The following HMCN1 variants were observed in gnomAD, a reference collection of about 807,000 sequenced individuals.
The protein encoded by HMCN1 is hemicentin-1.
HMCN1 carries 321 observed loss-of-function variants against 625.9 expected under a neutral mutation model. The observed-to-expected ratio is 0.51, with a 90% CI of 0.47 to 0.56. The LOEUF is 0.56. Ranked by LOEUF, HMCN1 falls within the 20% of genes least tolerant of loss-of-function variation. The pLI is 0.00. For synonymous variants in HMCN1, 2,425 were observed against 2,417.6 expected (o/e 1.00, Z -0.09); for missense variants, 6,588 against 6,887.3 (o/e 0.96, Z 1.54).
intron 72 of HMCN1, 94 bp downstream of exon 72, chr1:186,113,047 G>A (rs918789720): frequency 3.5e-6 from 5 of 1,433,348 alleles, no homozygotes; most frequent in Non-Finnish European, 3.9e-6. Context: ...ACTAAATGAA[G>A]CCTTGTGCTT....
chr1:185,809,389 A>G (rs2102242020), intron 1 of HMCN1, among the ~76,000 whole-genome samples: 1 of 152,008 alleles, frequency 6.6e-6, no homozygotes. Context: ...CACACACACA[A>G]CATACATGTG....
At chr1:186,074,630 A>G (rs1278038836) in intron 52 of HMCN1, 111 bp from the exon 53 acceptor site, 2 of 901,422 alleles carry the variant, frequency 2.2e-6, no homozygotes, top group East Asian at 2.6e-5. Context: ...AATGTTTTGC[A>G]TACAATTTTA....
chr1:186,169,131 G>A (rs61831352), intron 100 of HMCN1, among the ~76,000 whole-genome samples: 2,810 of 152,242 alleles, frequency 0.018, 30 homozygotes, highest in Non-Finnish European at 0.03. Flanking sequence ...ATTCCGTGGT[G>A]TATATGTGCC....
chr1:186,038,785 TA>T (rs775863657), intron 37 of HMCN1, 43 bp from the exon 38 acceptor site: 1 of 1,216,952 alleles, frequency 8.2e-7, no homozygotes, highest in Non-Finnish European at 1.2e-6. Context: ...ATATTTAATT[TA>T]AAAAATTTTT....
At chr1:186,122,531 T>C (rs1004007894) in intron 80 of HMCN1, among the ~76,000 whole-genome samples, 1 of 152,198 alleles carries the variant, frequency 6.6e-6, no homozygotes, top group Non-Finnish European at 1.5e-5. Flanking sequence ...TATTCTAAGC[T>C]CTATGGAAAT....
chr1:186,034,346 AT>A (rs1356463385), intron 36 of HMCN1, among the ~76,000 whole-genome samples: 1 of 152,166 alleles, frequency 6.6e-6, no homozygotes. Flanking sequence ...TGTAAGATAA[AT>A]TTGTATTATT....
chr1:185,896,307 G>A (rs1256579922), intron 4 of HMCN1, among the ~76,000 whole-genome samples: 1 of 151,870 alleles, frequency 6.6e-6, no homozygotes, highest in African/African-American at 2.4e-5. Context: ...ATTCCCAAAT[G>A]TCTACTAGAT....
In HMCN1 at chr1:186,081,271, G is replaced by A; in HGVS notation, c.8664G>A (p.Lys2888=). The change falls in exon 56 of 107, where the codon AAG becomes AAA. Residue 2888 remains lysine (K), a synonymous_variant. Transcript: ENST00000271588. ...LPEEVTVLVN[K]SALIECLSSG... The stretch of plus-strand genomic sequence containing the variant: ...AAGAGGTCACCGTGCTGGTGAACAA[G>A]AGTGCACTGATAGAGTGTTTATCCA... The A allele has an allele frequency of 6.2e-7, 1 of 1,613,742 alleles. No homozygotes were observed. The highest frequency in any genetic ancestry group is 8.5e-7 in the Non-Finnish European group (1 of 1,179,680).
chr1:185,993,801 T>G (rs1263670092), intron 23 of HMCN1, among the ~76,000 whole-genome samples: 1 of 152,170 alleles, frequency 6.6e-6, no homozygotes, highest in African/African-American at 2.4e-5. Context: ...CAGTTCTTCA[T>G]TCATTCAACA....
chr1:186,145,585 G>C lies in HMCN1; in HGVS notation c.14437+12G>C. 6.2e-7 allele frequency: 1 copy of C among 1,613,582 alleles called. No homozygotes were observed. The highest frequency in any genetic ancestry group is 1.1e-5 in the South Asian group (1 of 91,016). On this transcript the variant is annotated intron_variant, in intron 92 of 106. Transcript: ENST00000271588. ...TGACATGTGTCCTGGTGAGCCTCTT[G>C]ATTTCTGGCAGTTGAATAAGTAAAG...
intron 82 of HMCN1, among the ~76,000 whole-genome samples, chr1:186,126,938 G>A (rs191563557): frequency 1.1e-4 from 17 of 152,196 alleles, no homozygotes; most frequent in Admixed American, 7.2e-4. Flanking sequence ...AGACCTGTTG[G>A]GAAGACTCTC....
intron 104 of HMCN1, 72 bp downstream of exon 104, chr1:186,178,838 T>C: frequency 9.5e-7 from 1 of 1,049,064 alleles, no homozygotes; most frequent in Admixed American, 1.7e-5. Context: ...ACAGCACCTG[T>C]GATTGTTTGA....
At chr1:186,140,867 G>A (rs187682301) in intron 89 of HMCN1, among the ~76,000 whole-genome samples, 4 of 152,228 alleles carry the variant, frequency 2.6e-5, no homozygotes, top group Non-Finnish European at 5.9e-5. Flanking sequence ...TTTGGCACCA[G>A]GGACTGGTTT....
At chr1:186,138,351 G>A (rs116536267) in intron 89 of HMCN1, among the ~76,000 whole-genome samples, 3 of 152,310 alleles carry the variant, frequency 2.0e-5, no homozygotes, top group Non-Finnish European at 2.9e-5. Flanking sequence ...CACAACTGGT[G>A]AGGAGTAAAT....
intron 25 of HMCN1, among the ~76,000 whole-genome samples, 157 bp downstream of exon 25, chr1:185,997,681 T>C (rs915095684): frequency 1.3e-5 from 2 of 152,176 alleles, no homozygotes; most frequent in East Asian, 3.8e-4. Context: ...ATAACAGCTC[T>C]TTGAATAAGT....
At chr1:185,980,766 C>A (rs1651571300) in intron 16 of HMCN1, among the ~76,000 whole-genome samples, 1 of 152,158 alleles carries the variant, frequency 6.6e-6, no homozygotes, top group African/African-American at 2.4e-5. Context: ...GCCTTTCATG[C>A]AGTCACTTCT....
chr1:185,745,337 G>A (rs1654316727), intron 1 of HMCN1, among the ~76,000 whole-genome samples: 1 of 152,168 alleles, frequency 6.6e-6, no homozygotes, highest in Non-Finnish European at 1.5e-5. Flanking sequence ...ACCAGCCCAC[G>A]CATCAGCAGT....
intron 37 of HMCN1, among the ~76,000 whole-genome samples, 194 bp from the exon 38 acceptor site, chr1:186,038,635 C>T (rs1014709479): frequency 6.6e-6 from 1 of 152,104 alleles, no homozygotes; most frequent in Non-Finnish European, 1.5e-5. Flanking sequence ...TCAGGACTCA[C>T]CGACTTGGAT....
intron 4 of HMCN1, among the ~76,000 whole-genome samples, chr1:185,877,321 C>CTTTTTTTTTTTTTTTTTTTTTTTT (rs71557837): frequency 5.7e-5 from 2 of 34,908 alleles, no homozygotes; most frequent in Admixed American, 9.8e-4. Flanking sequence ...ATGTGTCTTT[C>CTTTTTTTTTTTTTTTTTTTTTTTT]TTTTTTTTTT....
Sources: allele counts gnomAD v4.1 joint callset (sites outside exome capture counted in the v4.1 genomes callset), GRCh38; gene constraint gnomAD v4.1.1; transcripts MANE v1.5; gene names NCBI Gene and HGNC (gene_info 2026-07-23, HGNC 2026-07-21).